The following GLRA3 variants were observed in gnomAD, a reference collection of about 807,000 sequenced individuals.
GLRA3 encodes glycine receptor subunit alpha-3.
In GLRA3, 44 loss-of-function variants were observed where a neutral mutation model predicts 60.4. The ratio of observed to expected loss-of-function variants is 0.73; its 90% CI spans 0.57 to 0.94. The LOEUF (loss-of-function observed/expected upper bound fraction) is 0.94. GLRA3 is among the 40% of genes least tolerant of loss of function. The pLI, the probability that GLRA3 is intolerant of heterozygous loss-of-function variation, is 0.00. For synonymous variants in GLRA3, 223 were observed against 192.9 expected, an observed-to-expected ratio of 1.16 and a Z score of -1.29; for missense variants, 508 against 564.6, an observed-to-expected ratio of 0.90 and a Z score of 1.02.
At chr4:174,674,371 T>C (rs1734031955) in intron 7 of GLRA3, among the ~76,000 whole-genome samples, 1 of 152,200 alleles carries the variant, frequency 6.6e-6, no homozygotes, top group African/African-American at 2.4e-5. Flanking sequence ...GGCCACCTGA[T>C]ACAGACACTG....
intron 3 of GLRA3, among the ~76,000 whole-genome samples, chr4:174,757,524 G>A (rs994020369): frequency 6.6e-6 from 1 of 152,206 alleles, no homozygotes; most frequent in African/African-American, 2.4e-5. Flanking sequence ...GTAGGAATGT[G>A]TCAGAGACAC....
In GLRA3 at chr4:174,728,653, G is replaced by C. The variant is rs761733852; in HGVS notation, c.313C>G (p.Arg105Gly). 6.2e-7 allele frequency: 1 copy of C among 1,610,274 alleles called. No homozygotes were observed. Among genetic ancestry groups the C allele is most frequent in the Non-Finnish European group, 8.5e-7 (1 of 1,176,846 alleles). Residue 105 changes from arginine to glycine, a missense_variant, in exon 4 of 10, where the codon CGC (arginine) becomes GGC (glycine). Arg to Gly is a moderately radical substitution (Grantham distance 125, BLOSUM62 -2). Transcript: ENST00000274093. ...TCAGGATATTCACTGTACGCGAGGC[G>C]GGGATCATTCCATTTCTGACGAAGA... Reference protein sequence around the residue: ...IFLRQKWNDPRLAYSEYPDDS... With the variant: ...IFLRQKWNDPGLAYSEYPDDS...
At chr4:174,759,591 A>G (rs377063607) in intron 3 of GLRA3, among the ~76,000 whole-genome samples, 3 of 152,118 alleles carry the variant, frequency 2.0e-5, no homozygotes, top group East Asian at 1.9e-4. Flanking sequence ...TGAAAAGCCA[A>G]TTCCCAAGAA....
intron 5 of GLRA3, among the ~76,000 whole-genome samples, chr4:174,702,846 A>G (rs1735376948): frequency 1.3e-5 from 2 of 152,184 alleles, no homozygotes; most frequent in South Asian, 4.1e-4. Context: ...AATTCTATTG[A>G]TGGTATATTT....
intron 2 of GLRA3, among the ~76,000 whole-genome samples, chr4:174,768,402 T>G (rs1738239233): frequency 6.6e-6 from 1 of 152,186 alleles, no homozygotes; most frequent in Non-Finnish European, 1.5e-5. Flanking sequence ...AGAAGTGAAC[T>G]TATTGAGTTT....
intron 1 of GLRA3, among the ~76,000 whole-genome samples, chr4:174,799,520 G>T (rs545105384): frequency 4.7e-4 from 72 of 152,274 alleles, no homozygotes; most frequent in African/African-American, 1.4e-3. Context: ...AAACTTTATG[G>T]ATTTAGTAAG....
At chr4:174,789,789 C>T (rs564240449) in intron 1 of GLRA3, among the ~76,000 whole-genome samples, 19 of 152,282 alleles carry the variant, frequency 1.2e-4, no homozygotes, top group African/African-American at 3.6e-4. Context: ...GAGTTTTGCT[C>T]AGGAAAGTGA....
At chr4:174,800,602 C>G (rs902687981) in intron 1 of GLRA3, among the ~76,000 whole-genome samples, 3 of 150,328 alleles carry the variant, frequency 2.0e-5, no homozygotes, top group African/African-American at 7.4e-5. Context: ...TAAAACCAAA[C>G]CCCCCCCGCC....
chr4:174,779,128 A>G (rs1738752940), intron 2 of GLRA3, among the ~76,000 whole-genome samples: 1 of 152,330 alleles, frequency 6.6e-6, no homozygotes, highest in Admixed American at 6.5e-5. Flanking sequence ...AGATCTGAGA[A>G]CGGGCAGACT....
At chr4:174,727,661 A>G (rs1158945315) in intron 4 of GLRA3, among the ~76,000 whole-genome samples, 1 of 152,194 alleles carries the variant, frequency 6.6e-6, no homozygotes, top group Non-Finnish European at 1.5e-5. Flanking sequence ...CAAATATATC[A>G]TGTAAGTAGC....
At chr4:174,692,258 G>A (rs1223332966) in intron 5 of GLRA3, among the ~76,000 whole-genome samples, 2 of 142,780 alleles carry the variant, frequency 1.4e-5, no homozygotes, top group African/African-American at 2.6e-5. Context: ...CCCCATCCGC[G>A]AGGGAGGTGG....
At chr4:174,705,782 T>C (rs1579478283) in intron 5 of GLRA3, among the ~76,000 whole-genome samples, 1 of 78,722 alleles carries the variant, frequency 1.3e-5, no homozygotes, top group Non-Finnish European at 2.6e-5. Flanking sequence ...TTTCTAGTGA[T>C]AACAAGTGAG....
intron 3 of GLRA3, among the ~76,000 whole-genome samples, chr4:174,744,959 G>A (rs28860848): frequency 0.16 from 24,063 of 152,110 alleles, 2,493 homozygotes; most frequent in African/African-American, 0.3. Flanking sequence ...AGCTATCTTA[G>A]TGAAGAACCA....
intron 1 of GLRA3, among the ~76,000 whole-genome samples, chr4:174,818,284 T>C (rs1221503530): frequency 6.6e-6 from 1 of 152,192 alleles, no homozygotes; most frequent in East Asian, 1.9e-4. Context: ...TACTACTATG[T>C]TTTTGAAATT....
intron 5 of GLRA3, among the ~76,000 whole-genome samples, chr4:174,701,313 C>T (rs1365182268): frequency 1.3e-5 from 2 of 152,200 alleles, no homozygotes; most frequent in Non-Finnish European, 2.9e-5. Flanking sequence ...TGACAGCCCA[C>T]CTGTTTACCG....
At chr4:174,816,774 T>A (rs907979496) in intron 1 of GLRA3, among the ~76,000 whole-genome samples, 8 of 152,134 alleles carry the variant, frequency 5.3e-5, no homozygotes, top group Non-Finnish European at 1.0e-4. Context: ...TTATCCATAT[T>A]ATTTCTCTCT....
At chr4:174,648,178 G>A (rs1732897850) in intron 9 of GLRA3, among the ~76,000 whole-genome samples, 1 of 152,218 alleles carries the variant, frequency 6.6e-6, no homozygotes, top group South Asian at 2.1e-4. Flanking sequence ...TCTATGTTGA[G>A]GACTGAGTGT....
chr4:174,725,254 G>T (rs1419573591), intron 4 of GLRA3, among the ~76,000 whole-genome samples: 2 of 152,058 alleles, frequency 1.3e-5, no homozygotes, highest in Non-Finnish European at 2.9e-5. Context: ...CTGTTTTATG[G>T]TTCACTGATT....
chr4:174,660,056 G>A (rs1173796869), intron 7 of GLRA3, among the ~76,000 whole-genome samples: 2 of 151,106 alleles, frequency 1.3e-5, no homozygotes, highest in African/African-American at 4.9e-5. Context: ...GTGTATGTGT[G>A]TGTATATATA....
Sources: gnomAD v4.1 joint callset for allele counts (sites outside exome capture counted in the v4.1 genomes callset) on GRCh38, gnomAD v4.1.1 for gene constraint, MANE v1.5 for transcripts, NCBI Gene and HGNC (gene_info 2026-07-23, HGNC 2026-07-21) for gene names.